Variants in HEATR3 observed in about 807,000 individuals in gnomAD.
HEATR3 encodes HEAT repeat-containing protein 3.
In HEATR3, 56 loss-of-function variants were observed where a neutral mutation model predicts 72.8. The observed-to-expected ratio is 0.77, with a 90% CI of 0.62 to 0.96. The LOEUF is 0.96. Among genes scored for constraint, HEATR3 ranks in the 40% least tolerant of loss-of-function variants. HEATR3 has a pLI of 0.00. For missense variants in HEATR3, 747 were observed against 831.4 expected (o/e 0.90, Z 1.25); for synonymous variants, 331 against 318.1 (o/e 1.04, Z -0.43).
intron 12 of HEATR3, among the ~76,000 whole-genome samples, chr16:50,095,994 C>T (rs185450046): frequency 6.6e-6 from 1 of 152,180 alleles, no homozygotes; most frequent in South Asian, 2.1e-4. Flanking sequence ...TTCCCAGCTG[C>T]AGTCTAAGTT....
chr16:50,095,053 A>G (rs2037202771), intron 12 of HEATR3, among the ~76,000 whole-genome samples: 1 of 152,110 alleles, frequency 6.6e-6, no homozygotes, highest in Admixed American at 6.6e-5. Flanking sequence ...GTGCTTTTTA[A>G]TCAATACAAC....
At chr16:50,087,988 G>T (rs1028352185) in intron 11 of HEATR3, among the ~76,000 whole-genome samples, 5 of 152,048 alleles carry the variant, frequency 3.3e-5, no homozygotes, top group African/African-American at 1.2e-4. Context: ...TTAGCCAGGC[G>T]TGGTGGCAGG....
In HEATR3 at chr16:50,102,396, A is replaced by T; in HGVS notation, c.1881A>T (p.Leu627Phe). 1 of 1,614,084 alleles carries T rather than the reference A, an allele frequency of 6.2e-7. No homozygotes were observed. Among genetic ancestry groups the T allele is most frequent in the South Asian group, 1.1e-5 (1 of 91,066 alleles). ...GAGCCTCGATTCAAATTAAATTATT[A>T]TCTGCTCTGAAAGAATTCCAGCCGG... ...AERASIQIKL[L>F]SALKEFQPVF... Residue 627 changes from leucine (L) to phenylalanine (F), a missense_variant, in exon 14 of 15, where the codon TTA becomes TTT. Transcript: ENST00000299192.
intron 6 of HEATR3, among the ~76,000 whole-genome samples, chr16:50,075,923 A>G (rs1430488594): frequency 6.6e-6 from 1 of 152,218 alleles, no homozygotes; most frequent in Non-Finnish European, 1.5e-5. Context: ...AATTTAACAA[A>G]CTACTGTTAA....
Position 50,066,004 on chromosome 16 carries a change from C to A in HEATR3, c.-128C>A. Reference sequence around the variant, plus strand: ...GCCGTGCGCCTGCGCACGGCTTGCCCATGTGTGCTGCAGCCGTCAGCCGGC... The same window carrying A: ...GCCGTGCGCCTGCGCACGGCTTGCCAATGTGTGCTGCAGCCGTCAGCCGGC... On this transcript the variant is annotated 5_prime_UTR_variant, in exon 1 of 15. Coordinates refer to ENST00000299192, the MANE Select transcript of HEATR3 (RefSeq NM_182922.4). The A allele has an allele frequency of 1.1e-6, 1 of 944,180 alleles. No homozygotes were observed. The highest frequency in any genetic ancestry group is 1.5e-6 in the Non-Finnish European group (1 of 661,202). 58.5% of individuals were successfully genotyped at this position (944,180 alleles called of 1,614,324 possible). A position where few individuals can be genotyped will look rare whatever the true frequency, so the allele number is the denominator to read the frequency against.
intron 4 of HEATR3, among the ~76,000 whole-genome samples, 176 bp downstream of exon 4, chr16:50,070,466 G>A (rs1212358846): frequency 1.3e-5 from 2 of 152,162 alleles, no homozygotes; most frequent in African/African-American, 2.4e-5. Context: ...TTGGGAGGCC[G>A]AGGCGGGTGG....
Position 50,105,191 on chromosome 16 carries a change from C to T in HEATR3, c.*130C>T, listed in dbSNP as rs1567452831. ...TTACATTCTGTACATTCTGTAAAAA[C>T]TTCAAAACCTGGCCAGGCATGGTGG... On this transcript the variant is annotated 3_prime_UTR_variant, in exon 15 of 15. Coordinates refer to ENST00000299192, the MANE Select transcript of HEATR3 (RefSeq NM_182922.4). The T allele has an allele frequency of 9.5e-7, 1 of 1,055,286 alleles. No individual in the cohort carries two copies. The highest frequency in any genetic ancestry group is 1.4e-6 in the Non-Finnish European group (1 of 734,608). 65.4% of individuals were successfully genotyped at this position (1,055,286 alleles called of 1,614,324 possible). A position where few individuals can be genotyped will look rare whatever the true frequency, so the allele number is the denominator to read the frequency against.
At chr16:50,074,283 C>T (rs1246319226) in intron 5 of HEATR3, 1 of 152,044 alleles carries the variant, frequency 6.6e-6, no homozygotes, top group Non-Finnish European at 1.5e-5. Context: ...GCCAGACGTC[C>T]CAAAACCTAA....
chr16:50,071,916 G>C (rs1411017883), intron 4 of HEATR3, among the ~76,000 whole-genome samples: 1 of 152,148 alleles, frequency 6.6e-6, no homozygotes, highest in East Asian at 1.9e-4. Context: ...TGAAAGCTGA[G>C]TCTTTTATTA....
Position 50,084,491 on chromosome 16 carries a change from A to G in HEATR3, c.1291-78A>G, listed in dbSNP as rs552307602. ...AGCCTAACCATTTCACTTAGGAGTA[A>G]TATGTTGGAATTATGTAAGGGAATC... On this transcript the variant is annotated intron_variant, in intron 9 of 14. Transcript: ENST00000299192. 3.8e-4 allele frequency: 444 copies of G among 1,171,172 alleles called. 1 individual carries two copies. Among genetic ancestry groups the G allele is most frequent in the Non-Finnish European group, 4.9e-4 (386 of 792,866 alleles). The allele number at this position is 1,171,172 out of a possible 1,614,324, so 72.5% of individuals were successfully genotyped here.
chr16:50,100,609 C>CT (rs2037344747), intron 13 of HEATR3: 1 of 463,616 alleles, frequency 2.2e-6, no homozygotes. Context: ...TCCAGAGGTA[C>CT]TTTTTTAAAA....
At chr16:50,085,371 A>G (rs2036966272) in intron 10 of HEATR3, among the ~76,000 whole-genome samples, 1 of 152,194 alleles carries the variant, frequency 6.6e-6, no homozygotes, top group Non-Finnish European at 1.5e-5. Context: ...CACACCTATA[A>G]TCCCAGGACT....
chr16:50,083,845 A>G lies in HEATR3; in HGVS notation c.1042-92A>G. 6.8e-6 allele frequency: 8 copies of G among 1,183,948 alleles called. No homozygotes were observed. The South Asian group carries it at 1.0e-4, about 15-fold the overall frequency. 73.3% of individuals were successfully genotyped at this position (1,183,948 alleles called of 1,614,324 possible). ...CCGTGTGCTCTATTCCAAGCGCAAA[A>G]ATCTTCTAGTAGGCTTTCACTAAGG... is the stretch of plus-strand genomic sequence containing the variant. On this transcript the variant is annotated intron_variant, in intron 7 of 14. Coordinates refer to ENST00000299192, the MANE Select transcript of HEATR3 (RefSeq NM_182922.4).
intron 7 of HEATR3, among the ~76,000 whole-genome samples, chr16:50,079,320 C>T (rs993142545): frequency 2.0e-5 from 3 of 152,156 alleles, no homozygotes; most frequent in African/African-American, 7.2e-5. Flanking sequence ...CTTGCTTCTC[C>T]CCACTTCTGT....
At chr16:50,084,747 A>G in intron 10 of HEATR3, 96 bp downstream of exon 10, 2 of 875,004 alleles carry the variant, frequency 2.3e-6, no homozygotes, top group Non-Finnish European at 3.5e-6. Flanking sequence ...CCTAGGACCC[A>G]GAAGTTTTGT....
chr16:50,099,434 A>T (rs8060708), intron 12 of HEATR3, among the ~76,000 whole-genome samples: 2 of 152,184 alleles, frequency 1.3e-5, no homozygotes, highest in Non-Finnish European at 2.9e-5. Flanking sequence ...GTGAGACTTC[A>T]TGTCTACAAA....
chr16:50,104,909 C>A, intron 14 of HEATR3, 30 bp from the exon 15 acceptor site: 1 of 1,540,266 alleles, frequency 6.5e-7, no homozygotes, highest in South Asian at 1.2e-5. Flanking sequence ...TCTACCAAGT[C>A]ATATATGATT....
At chr16:50,079,101 T>C (rs866738619) in intron 7 of HEATR3, 83 bp downstream of exon 7, 3 of 1,383,224 alleles carry the variant, frequency 2.2e-6, no homozygotes, top group South Asian at 1.4e-5. Context: ...TGCAGAAAAA[T>C]GTTATAGCAA....
intron 11 of HEATR3, among the ~76,000 whole-genome samples, chr16:50,089,760 C>G (rs938695128): frequency 2.0e-5 from 3 of 151,964 alleles, no homozygotes; most frequent in Non-Finnish European, 2.9e-5. Context: ...TTTCTGCCCC[C>G]CAAGTTCAAG....
Sources: allele counts gnomAD v4.1 joint callset (sites outside exome capture counted in the v4.1 genomes callset), GRCh38; gene constraint gnomAD v4.1.1; transcripts MANE v1.5; gene names NCBI Gene and HGNC (gene_info 2026-07-23, HGNC 2026-07-21).